The following PCDH15 variants were observed in gnomAD, a reference collection of about 807,000 sequenced individuals.
The protein encoded by PCDH15 is protocadherin-15.
In PCDH15, 129 loss-of-function variants were observed where a neutral mutation model predicts 178.5. The observed-to-expected ratio is 0.72, with a 90% CI of 0.63 to 0.84. The LOEUF is 0.84. Among genes scored for constraint, PCDH15 ranks in the 40% least tolerant of loss-of-function variants. PCDH15 has a pLI of 0.00. For synonymous variants in PCDH15, 800 were observed against 732.0 expected, an observed-to-expected ratio of 1.09 and a Z score of -1.50; for missense variants, 2,230 against 2,099.9, an observed-to-expected ratio of 1.06 and a Z score of -1.21.
At chr10:54,868,533 G>T (rs1953979135) in intron 3 of PCDH15, among the ~76,000 whole-genome samples, 1 of 152,070 alleles carries the variant, frequency 6.6e-6, no homozygotes, top group Non-Finnish European at 1.5e-5. Flanking sequence ...TGCTTCATCA[G>T]ATCACATTCC....
chr10:54,185,236 A>G lies in PCDH15; in HGVS notation c.1338T>C (p.Asn446=), dbSNP rs1461685230. Reference sequence around the variant, plus strand: ...TGACGGTGAAGACTGAGGTGTAGTCATTCAGAAAAAGGTGAAGCTCTGGGT... The same window carrying G: ...TGACGGTGAAGACTGAGGTGTAGTCGTTCAGAAAAAGGTGAAGCTCTGGGT... ...TKDPELHLFL[N]DYTSVFTVTQ... Residue 446 remains asparagine, a synonymous_variant, in exon 12 of 38, where the codon AAT becomes AAC. Transcript: ENST00000644397. 1 of 1,613,604 alleles carries G rather than the reference A, an allele frequency of 6.2e-7. No individual in the cohort carries two copies. The highest frequency in any genetic ancestry group is 1.3e-5 in the African/African-American group (1 of 74,912).
intron 14 of PCDH15, among the ~76,000 whole-genome samples, chr10:54,135,664 G>C (rs2042845221): frequency 6.6e-6 from 1 of 152,116 alleles, no homozygotes; most frequent in Non-Finnish European, 1.5e-5. Flanking sequence ...AACATTTTAT[G>C]AATCTCCTTC....
At chr10:54,057,945 C>A (rs2093932212) in intron 18 of PCDH15, among the ~76,000 whole-genome samples, 1 of 152,184 alleles carries the variant, frequency 6.6e-6, no homozygotes, top group Admixed American at 6.5e-5. Context: ...GTGACCTTAA[C>A]TCCAGTTCCC....
At chr10:55,288,945 C>A (rs771178922) in intron 1 of PCDH15, among the ~76,000 whole-genome samples, 8 of 151,464 alleles carry the variant, frequency 5.3e-5, no homozygotes, top group Non-Finnish European at 8.8e-5. Context: ...TTTTGAAAAA[C>A]CACCAAATTG....
chr10:55,138,960 C>T (rs548044076), intron 2 of PCDH15, among the ~76,000 whole-genome samples: 15 of 152,148 alleles, frequency 9.9e-5, no homozygotes, highest in Admixed American at 4.6e-4. Flanking sequence ...CTATTTACTG[C>T]AGAATAATAT....
intron 3 of PCDH15, among the ~76,000 whole-genome samples, chr10:54,819,223 T>G (rs1952997261): frequency 6.6e-6 from 1 of 152,048 alleles, no homozygotes; most frequent in Admixed American, 6.6e-5. Context: ...TTTTAAACAT[T>G]CATGGTAACT....
chr10:55,490,597 A>G (rs2132127598), intron 2 of PCDH15, among the ~76,000 whole-genome samples: 1 of 151,858 alleles, frequency 6.6e-6, no homozygotes, highest in Non-Finnish European at 1.5e-5. Context: ...AGTAAAGGCT[A>G]CTCTAGACTT....
At chr10:54,556,749 T>C (rs1227368479) in intron 2 of PCDH15, among the ~76,000 whole-genome samples, 1 of 151,194 alleles carries the variant, frequency 6.6e-6, no homozygotes, top group Non-Finnish European at 1.5e-5. Flanking sequence ...TTACATGCAA[T>C]GGGTTCCCAA....
At chr10:54,449,303 T>A (rs866799189) in intron 3 of PCDH15, among the ~76,000 whole-genome samples, 3 of 151,750 alleles carry the variant, frequency 2.0e-5, no homozygotes, top group Non-Finnish European at 4.4e-5. Flanking sequence ...TCAGTCTTGA[T>A]ATCCATAAAT....
At chr10:55,286,607 C>G (rs1842877573) in intron 1 of PCDH15, among the ~76,000 whole-genome samples, 1 of 151,724 alleles carries the variant, frequency 6.6e-6, no homozygotes, top group African/African-American at 2.4e-5. Context: ...AGGAAAACAG[C>G]AGGCAAAACA....
chr10:55,472,480 T>A (rs1397616639), intron 2 of PCDH15, among the ~76,000 whole-genome samples: 1 of 149,596 alleles, frequency 6.7e-6, no homozygotes, highest in East Asian at 1.9e-4. Flanking sequence ...TTTTTTTTTT[T>A]TTTTTTTGAA....
intron 15 of PCDH15, among the ~76,000 whole-genome samples, chr10:54,126,064 G>T (rs1055640480): frequency 7.1e-6 from 1 of 140,838 alleles, no homozygotes; most frequent in African/African-American, 2.7e-5. Context: ...GGAATAAAAA[G>T]AATTACCATT....
intron 7 of PCDH15, among the ~76,000 whole-genome samples, chr10:54,328,127 A>G (rs567335873): frequency 3.9e-5 from 6 of 152,006 alleles, no homozygotes; most frequent in Non-Finnish European, 8.8e-5. Flanking sequence ...TGATCCTTCT[A>G]TTAATCCCTT....
At chr10:53,935,782 T>G (rs2085520079) in intron 25 of PCDH15, among the ~76,000 whole-genome samples, 1 of 152,058 alleles carries the variant, frequency 6.6e-6, no homozygotes, top group South Asian at 2.1e-4. Context: ...TTTCCTATAG[T>G]TGGTGGACCT....
intron 2 of PCDH15, among the ~76,000 whole-genome samples, chr10:55,004,792 C>T (rs1449598958): frequency 1.3e-5 from 2 of 152,156 alleles, no homozygotes; most frequent in African/African-American, 4.8e-5. Flanking sequence ...GGAAGACCTA[C>T]ACTGAATCTC....
At chr10:54,766,955 C>T (rs1948592244) in intron 1 of PCDH15, among the ~76,000 whole-genome samples, 1 of 151,312 alleles carries the variant, frequency 6.6e-6, no homozygotes, top group South Asian at 2.1e-4. Context: ...AAAATCTATC[C>T]ACTATACACC....
At chr10:54,488,914 A>G (rs2079336181) in intron 3 of PCDH15, among the ~76,000 whole-genome samples, 1 of 152,074 alleles carries the variant, frequency 6.6e-6, no homozygotes. Context: ...AAGCATAAAG[A>G]AGCTTGTGAA....
chr10:54,656,396 G>T (rs893080989), intron 2 of PCDH15, among the ~76,000 whole-genome samples: 1 of 152,068 alleles, frequency 6.6e-6, no homozygotes, highest in South Asian at 2.1e-4. Flanking sequence ...GCTAACCATC[G>T]AATTATTAGA....
intron 21 of PCDH15, among the ~76,000 whole-genome samples, chr10:53,976,432 A>C (rs1192710424): frequency 6.6e-6 from 1 of 152,048 alleles, no homozygotes; most frequent in Non-Finnish European, 1.5e-5. Context: ...ATCCATATTG[A>C]CCTTATCAAA....
Sources: allele counts gnomAD v4.1 joint callset (sites outside exome capture counted in the v4.1 genomes callset), GRCh38; gene constraint gnomAD v4.1.1; transcripts MANE v1.5; gene names NCBI Gene and HGNC (gene_info 2026-07-23, HGNC 2026-07-21).